Variants in PLEKHM1 observed in about 807,000 individuals in gnomAD.
The protein encoded by PLEKHM1 is pleckstrin homology domain-containing family M member 1.
In PLEKHM1, 28 loss-of-function variants were observed where a neutral mutation model predicts 94.3. The observed-to-expected ratio is 0.30, with a 90% CI of 0.22 to 0.41. PLEKHM1 has a LOEUF of 0.41. Ranked by LOEUF, PLEKHM1 falls within the 10% of genes least tolerant of loss-of-function variation. The probability of loss-of-function intolerance (pLI) is 1.00; values close to 1 mark genes in which losing one functional copy is unlikely to be tolerated. For missense variants in PLEKHM1, 907 were observed against 1,358.6 expected, an observed-to-expected ratio of 0.67 and a Z score of 5.22; for synonymous variants, 424 against 581.2, an observed-to-expected ratio of 0.73 and a Z score of 3.89.
chr17:45,473,195 A>G (rs1260501722), intron 4 of PLEKHM1, among the ~76,000 whole-genome samples: 1 of 152,186 alleles, frequency 6.6e-6, no homozygotes, highest in Non-Finnish European at 1.5e-5. Context: ...CCACATACAC[A>G]AGGTTATTTA....
Position 45,453,989 on chromosome 17 carries a change from C to T in PLEKHM1, c.1863G>A (p.Arg621=). The change falls in exon 7 of 12, where the codon CGG becomes CGA. Residue 621 remains arginine (R), a synonymous_variant. Coordinates refer to ENST00000430334, the MANE Select transcript of PLEKHM1 (RefSeq NM_014798.3). The surrounding 1 kb of genome is among the most constrained non-coding windows in gnomAD (Gnocchi z 4.1). Reference sequence around the variant, plus strand: ...GAGGCCGGACCTTCTGCAGGGCCTCCCGCACCCGGTCCAGCCAGTCCTCAG... The same window carrying T: ...GAGGCCGGACCTTCTGCAGGGCCTCTCGCACCCGGTCCAGCCAGTCCTCAG... ...DEAEDWLDRV[R]EALQKVRPQQ... is the part of the protein sequence containing the mutation. 6.2e-7 allele frequency: 1 copy of T among 1,614,030 alleles called. No homozygotes were observed. The highest frequency in any genetic ancestry group is 8.5e-7 in the Non-Finnish European group (1 of 1,179,916).
intron 5 of PLEKHM1, among the ~76,000 whole-genome samples, chr17:45,465,120 A>C: frequency 6.6e-6 from 1 of 151,924 alleles, no homozygotes; most frequent in East Asian, 1.9e-4. Context: ...AGAACTATTC[A>C]TCCATGCCTA....
intron 4 of PLEKHM1, among the ~76,000 whole-genome samples, chr17:45,470,970 C>T (rs945452180): frequency 1.3e-5 from 2 of 151,752 alleles, no homozygotes; most frequent in African/African-American, 2.4e-5. Context: ...CTGGCCAAAA[C>T]GTTTGTGTTT....
At chr17:45,474,778 C>T (rs1273840323) in intron 4 of PLEKHM1, among the ~76,000 whole-genome samples, 1 of 152,140 alleles carries the variant, frequency 6.6e-6, no homozygotes, top group African/African-American at 2.4e-5. Context: ...AGCAATCCTC[C>T]TGTATCAGCC....
At chr17:45,448,298 G>T (rs1257590764) in intron 8 of PLEKHM1, among the ~76,000 whole-genome samples, 2 of 152,214 alleles carry the variant, frequency 1.3e-5, no homozygotes, top group East Asian at 1.9e-4. Context: ...GCGAGGGCGG[G>T]GACAAGGCAA....
rs780011561 is a variant in PLEKHM1 at position 45,475,089 on chromosome 17, A to G, written c.923+11T>C. 1.9e-5 allele frequency: 31 copies of G among 1,613,852 alleles called. No homozygotes were observed. Among genetic ancestry groups the G allele is most frequent in the East Asian group, 4.5e-5 (2 of 44,898 alleles). On this transcript the variant is annotated intron_variant, in intron 4 of 11. Transcript: ENST00000430334. ...AGAGAAGATGGGAAGGAGTGGGGGCAGCGTACTCACTCTTGCAGAGACCGG... is the reference window on the plus strand; with the variant it reads ...AGAGAAGATGGGAAGGAGTGGGGGCGGCGTACTCACTCTTGCAGAGACCGG...
At chr17:45,486,196 G>A (rs1294335907) in intron 1 of PLEKHM1, among the ~76,000 whole-genome samples, 2 of 136,604 alleles carry the variant, frequency 1.5e-5, no homozygotes, top group Non-Finnish European at 3.1e-5. Context: ...CAGCCTAGGC[G>A]ACAGAGAGAG....
Position 45,438,058 on chromosome 17 carries a change from C to T in PLEKHM1, c.3060-89G>A, listed in dbSNP as rs577285705. The T allele has an allele frequency of 1.4e-3, 1,267 of 932,436 alleles. 1 individual carries two copies. Among genetic ancestry groups the T allele is most frequent in the Non-Finnish European group, 1.9e-3 (1,094 of 580,704 alleles). 57.8% of individuals were successfully genotyped at this position (932,436 alleles called of 1,614,324 possible). ...GGCCAGCCCTTTTGACCAGAACCCA[C>T]GATACGGCTGTGATGTACTGTGTAA... is the stretch of plus-strand genomic sequence containing the variant. On this transcript the variant is annotated intron_variant, in intron 11 of 11. Coordinates refer to ENST00000430334, the MANE Select transcript of PLEKHM1 (RefSeq NM_014798.3).
intron 5 of PLEKHM1, among the ~76,000 whole-genome samples, chr17:45,464,427 AT>A (rs1321413102): frequency 6.6e-6 from 1 of 152,224 alleles, no homozygotes; most frequent in Non-Finnish European, 1.5e-5. Context: ...CTCCCCCAAA[AT>A]AACATCAAAT....
Position 45,437,037 on chromosome 17 carries a change from C to T in PLEKHM1, c.*821G>A, listed in dbSNP as rs2050280496. 2.2e-6 allele frequency: 1 copy of T among 454,388 alleles called. No homozygotes were observed. Among genetic ancestry groups the T allele is most frequent in the Admixed American group, 2.3e-5 (1 of 42,556 alleles). The allele number at this position is 454,388 out of a possible 1,614,324, so 28.1% of individuals were successfully genotyped here. On this transcript the variant is annotated 3_prime_UTR_variant, in exon 12 of 12. Transcript: ENST00000430334. The surrounding 1 kb of genome is among the most constrained non-coding windows in gnomAD (Gnocchi z 4.0). ...GGGGGTGGGCAAGACGGCGACCCTC[C>T]ATAAACCGAGGAGGGCTCAAAGTGC...
chr17:45,482,821 T>C (rs1428752103), intron 1 of PLEKHM1, among the ~76,000 whole-genome samples: 1 of 151,956 alleles, frequency 6.6e-6, no homozygotes, highest in Non-Finnish European at 1.5e-5. Flanking sequence ...GCCAAGGCCC[T>C]GTAGGATTGA....
chr17:45,478,855 G>A (rs1032821459), intron 2 of PLEKHM1, among the ~76,000 whole-genome samples: 3 of 151,906 alleles, frequency 2.0e-5, no homozygotes, highest in African/African-American at 7.3e-5. Context: ...CCTAGGCCTG[G>A]AAGCCAGAGG....
chr17:45,439,761 T>A, intron 10 of PLEKHM1, 127 bp from the exon 11 acceptor site: 1 of 1,243,886 alleles, frequency 8.0e-7, no homozygotes, highest in Non-Finnish European at 1.2e-6. Context: ...GGAGAACTTC[T>A]ACCCCCCGTT....
chr17:45,454,523 A>G, intron 6 of PLEKHM1: 1 of 610,626 alleles, frequency 1.6e-6, no homozygotes, highest in East Asian at 2.8e-5. Context: ...GATCCCCTCC[A>G]CACGCCCTGT....
intron 1 of PLEKHM1, among the ~76,000 whole-genome samples, chr17:45,489,092 C>T (rs1389743445): frequency 6.6e-6 from 1 of 152,162 alleles, no homozygotes; most frequent in Non-Finnish European, 1.5e-5. Flanking sequence ...TGTCCTTCTG[C>T]CTCAGCTACT....
At chr17:45,490,552 G>A in intron 1 of PLEKHM1, 100 bp downstream of exon 1, 1 of 397,542 alleles carries the variant, frequency 2.5e-6, no homozygotes, top group Non-Finnish European at 5.1e-6. Flanking sequence ...GGTAACCAGG[G>A]GCTGGGAATC....
chr17:45,447,221 G>C (rs1280297427), intron 8 of PLEKHM1, among the ~76,000 whole-genome samples: 2 of 152,176 alleles, frequency 1.3e-5, no homozygotes, highest in Admixed American at 1.3e-4. Context: ...TGGGGGCTGA[G>C]GGGGCCTCTG....
rs761586441 is a variant in PLEKHM1 at position 45,453,935 on chromosome 17, C to T, written c.1917G>A (p.Gln639=). 2.4e-5 allele frequency: 39 copies of T among 1,613,714 alleles called. No individual in the cohort carries two copies. The highest frequency in any genetic ancestry group is 3.1e-5 in the Non-Finnish European group (37 of 1,179,772). ...PQQEDEWVNV[Q]YPDQPEEPPE... is the part of the protein sequence containing the mutation. Reference sequence around the variant, plus strand: ...GGGGTTCCTCAGGCTGGTCTGGGTACTGCACGTTCACCCACTCATCCTCCT... The same window carrying T: ...GGGGTTCCTCAGGCTGGTCTGGGTATTGCACGTTCACCCACTCATCCTCCT... The change falls in exon 7 of 12, where the codon CAG becomes CAA. Residue 639 remains glutamine (Q), a synonymous_variant. Transcript: ENST00000430334. The surrounding 1 kb of genome is among the most constrained non-coding windows in gnomAD (Gnocchi z 4.1).
chr17:45,475,091 C>A lies in PLEKHM1; in HGVS notation c.923+9G>T. 1 of 1,613,906 alleles carries A rather than the reference C, an allele frequency of 6.2e-7. No individual in the cohort carries two copies. The highest frequency in any genetic ancestry group is 1.1e-5 in the South Asian group (1 of 91,076). On this transcript the variant is annotated intron_variant, in intron 4 of 11. Transcript: ENST00000430334. ...AGAAGATGGGAAGGAGTGGGGGCAG[C>A]GTACTCACTCTTGCAGAGACCGGTC...
Sources: allele counts gnomAD v4.1 joint callset (sites outside exome capture counted in the v4.1 genomes callset), GRCh38; gene constraint gnomAD v4.1.1; non-coding constraint Gnocchi (gnomAD v3.1); transcripts MANE v1.5; gene names NCBI Gene and HGNC (gene_info 2026-07-23, HGNC 2026-07-21).